The following CAMTA1 variants were observed in gnomAD, a reference collection of about 807,000 sequenced individuals.
CAMTA1 encodes calmodulin binding transcription activator 1.
A neutral mutation model predicts 170.9 loss-of-function variants in CAMTA1; 27 were observed. That is an observed-to-expected ratio of 0.16 (90% CI 0.12 to 0.22). The LOEUF (loss-of-function observed/expected upper bound fraction) is 0.22. Ranked by LOEUF, CAMTA1 falls within the 10% of genes least tolerant of loss-of-function variation. The probability of loss-of-function intolerance (pLI) is 1.00; values close to 1 mark genes in which losing one functional copy is unlikely to be tolerated. For synonymous variants in CAMTA1, 833 were observed against 891.5 expected, an observed-to-expected ratio of 0.93 and a Z score of 1.17; for missense variants, 1,619 against 2,217.2, an observed-to-expected ratio of 0.73 and a Z score of 5.42.
chr1:7,530,908 G>A (rs750346660), intron 6 of CAMTA1, among the ~76,000 whole-genome samples: 12 of 140,830 alleles, frequency 8.5e-5, no homozygotes, highest in Non-Finnish European at 1.7e-4. Flanking sequence ...TCTGCCTCCC[G>A]GGTTCAAGCA....
chr1:7,353,410 CTT>C (rs60524573), intron 5 of CAMTA1, among the ~76,000 whole-genome samples: 6 of 134,888 alleles, frequency 4.4e-5, no homozygotes, highest in African/African-American at 1.8e-4. Flanking sequence ...AATCTGAACT[CTT>C]TTTTTTTTTT....
intron 3 of CAMTA1, among the ~76,000 whole-genome samples, chr1:7,000,949 A>G (rs1431149708): frequency 6.6e-6 from 1 of 152,184 alleles, no homozygotes; most frequent in African/African-American, 2.4e-5. Flanking sequence ...TGACTCACTA[A>G]TTACTCATTT....
At position 7,220,924 on chromosome 1, in the gene CAMTA1, C is replaced by T. The variant is rs78893562; in HGVS notation, c.303-28567C>T. ...CACTGAGGTCCTGTCTCCTGCCTCC[C>T]GCTCCCTAGGGCCCTCCAGCTGGGC... On this transcript the variant is annotated intron_variant, in intron 4 of 22. Coordinates refer to ENST00000303635, the MANE Select transcript of CAMTA1 (RefSeq NM_015215.4). 3.6e-3 allele frequency among the ~76,000 whole-genome samples: 544 copies of T among 152,318 alleles called. 5 individuals are homozygous for T. The highest frequency in any genetic ancestry group is 0.012 in the African/African-American group (510 of 41,584).
chr1:7,262,284 G>A (rs1457150936), intron 5 of CAMTA1, among the ~76,000 whole-genome samples: 4 of 152,056 alleles, frequency 2.6e-5, no homozygotes, highest in African/African-American at 7.2e-5. Flanking sequence ...TAAATGGGCC[G>A]GGCGCGGTGG....
intron 3 of CAMTA1, among the ~76,000 whole-genome samples, chr1:7,028,030 G>A (rs1423208859): frequency 2.6e-5 from 4 of 151,072 alleles, no homozygotes; most frequent in Admixed American, 6.6e-5. Flanking sequence ...TCAGCCTCCC[G>A]AGTAGCTGGG....
intron 3 of CAMTA1, among the ~76,000 whole-genome samples, chr1:7,022,011 C>T (rs1403954924): frequency 6.6e-6 from 1 of 152,260 alleles, no homozygotes; most frequent in African/African-American, 2.4e-5. Flanking sequence ...AGTGACCTGC[C>T]CAAGGCCACG....
rs192850169 is a variant in CAMTA1 at position 7,386,570 on chromosome 1, C to T, written c.439-81260C>T. On this transcript the variant is annotated intron_variant, in intron 5 of 22. Coordinates refer to ENST00000303635, the MANE Select transcript of CAMTA1 (RefSeq NM_015215.4). ...CTCCAACTAACATCTGCCAAGGCCT[C>T]CTCCTACGCAGCGATGCCTCCCTTC... Among the ~76,000 whole-genome samples, 206 of 152,306 alleles carry T rather than the reference C, an allele frequency of 1.4e-3. 1 individual carries two copies. Among genetic ancestry groups the T allele is most frequent in the African/African-American group, 4.7e-3 (195 of 41,568 alleles).
intron 3 of CAMTA1, among the ~76,000 whole-genome samples, chr1:7,059,665 G>A (rs1380878828): frequency 6.6e-6 from 1 of 152,078 alleles, no homozygotes; most frequent in African/African-American, 2.4e-5. Context: ...TATGATCACC[G>A]TCGTGGTACC....
chr1:7,428,489 T>C (rs1203972544), intron 5 of CAMTA1, among the ~76,000 whole-genome samples: 1 of 152,086 alleles, frequency 6.6e-6, no homozygotes, highest in East Asian at 1.9e-4. Flanking sequence ...CTCAGTTGCC[T>C]CTGGTGGCTT....
intron 5 of CAMTA1, among the ~76,000 whole-genome samples, chr1:7,345,782 A>G (rs1186205917): frequency 3.9e-5 from 6 of 152,196 alleles, no homozygotes; most frequent in Admixed American, 3.9e-4. Context: ...ACTTTTTAAG[A>G]AATGGCCATA....
intron 3 of CAMTA1, among the ~76,000 whole-genome samples, chr1:7,042,589 C>T (rs1386271913): frequency 6.6e-6 from 1 of 152,226 alleles, no homozygotes; most frequent in Non-Finnish European, 1.5e-5. Flanking sequence ...CTAAGCCTGG[C>T]ATTGAGATGC....
chr1:7,342,499 C>G (rs1326313140), intron 5 of CAMTA1, among the ~76,000 whole-genome samples: 2 of 152,098 alleles, frequency 1.3e-5, no homozygotes, highest in Non-Finnish European at 2.9e-5. Flanking sequence ...TGAAGCAGGG[C>G]TAGAGGACCC....
chr1:7,040,443 T>A (rs1282977268), intron 3 of CAMTA1, among the ~76,000 whole-genome samples: 2 of 152,190 alleles, frequency 1.3e-5, no homozygotes, highest in African/African-American at 2.4e-5. Flanking sequence ...ATCCACATTT[T>A]AAAATTGTCT....
chr1:7,522,604 A>G (rs1167745760), intron 6 of CAMTA1, among the ~76,000 whole-genome samples: 4 of 152,220 alleles, frequency 2.6e-5, no homozygotes, highest in African/African-American at 7.2e-5. Flanking sequence ...TACAAGTATT[A>G]TAATTTTACA....
Position 7,217,247 on chromosome 1 carries a change from G to A in CAMTA1, c.303-32244G>A, listed in dbSNP as rs116735208. Reference sequence around the variant, plus strand: ...TTGCTCGGCACTTCTCTCTCCTGTCGCCATGTGAAGAAGGAAGTGTTTGCA... The same window carrying A: ...TTGCTCGGCACTTCTCTCTCCTGTCACCATGTGAAGAAGGAAGTGTTTGCA... On this transcript the variant is annotated intron_variant, in intron 4 of 22. Transcript: ENST00000303635. Among the ~76,000 whole-genome samples, 417 of 152,232 alleles carry A rather than the reference G, an allele frequency of 2.7e-3. 11 individuals are homozygous for A. In the East Asian group the frequency reaches 0.056, roughly 21 times the overall value.
rs568556553 is a variant in CAMTA1 at position 6,854,004 on chromosome 1, G to A, written c.234+28794G>A. On this transcript the variant is annotated intron_variant, in intron 3 of 22. Transcript: ENST00000303635. The stretch of plus-strand genomic sequence containing the variant: ...CCGTCTTCATTAACTCAGAAACAAA[G>A]TATCAGTAAGGACATAGAAGATTTC... 7.2e-5 allele frequency among the ~76,000 whole-genome samples: 11 copies of A among 152,254 alleles called. No homozygotes were observed. The East Asian group carries it at 2.1e-3, about 29-fold the overall frequency.
intron 4 of CAMTA1, among the ~76,000 whole-genome samples, chr1:7,147,763 T>C (rs867978638): frequency 4.2e-5 from 5 of 119,014 alleles, no homozygotes; most frequent in Non-Finnish European, 7.4e-5. Flanking sequence ...CAAACTCATA[T>C]ACCATGCACA....
intron 4 of CAMTA1, among the ~76,000 whole-genome samples, chr1:7,141,308 C>T (rs1267614320): frequency 6.6e-6 from 1 of 152,208 alleles, no homozygotes; most frequent in Admixed American, 6.5e-5. Flanking sequence ...TGTCAGGGTC[C>T]TGCTCCTGTC....
chr1:6,897,918 T>A (rs1489635001), intron 3 of CAMTA1, among the ~76,000 whole-genome samples: 1 of 152,220 alleles, frequency 6.6e-6, no homozygotes, highest in African/African-American at 2.4e-5. Context: ...TTCTAGCCTG[T>A]CTTTTCATGG....
Sources: allele counts gnomAD v4.1 joint callset (sites outside exome capture counted in the v4.1 genomes callset), GRCh38; gene constraint gnomAD v4.1.1; transcripts MANE v1.5; gene names NCBI Gene and HGNC (gene_info 2026-07-23, HGNC 2026-07-21).